Variants in DOC2B observed in about 807,000 individuals in gnomAD.
DOC2B encodes the protein double C2 domain beta.
DOC2B carries 21 observed loss-of-function variants against 28.9 expected under a neutral mutation model. The observed-to-expected ratio is 0.73, with a 90% confidence interval of 0.52 to 1.05. DOC2B has a LOEUF of 1.05. Among genes scored for constraint, DOC2B ranks in the 50% least tolerant of loss-of-function variants. The pLI is 0.00. For missense variants in DOC2B, 384 were observed against 421.1 expected (o/e 0.91, Z 0.77); for synonymous variants, 194 against 178.1 (o/e 1.09, Z -0.71).
Position 162,100 on chromosome 17 carries a change from T to C in DOC2B, c.619A>G (p.Met207Val), listed in dbSNP as rs1555523331. ...LTYYGITDEDMIRKTLRISVC... is the reference protein window; with the variant it reads ...LTYYGITDEDVIRKTLRISVC... Reference sequence around the variant, plus strand: ...ACCCACCGCAGGGTCTTGCGGATCATGTCTTCATCTGTGATCCCGTAGTAA... The same window carrying C: ...ACCCACCGCAGGGTCTTGCGGATCACGTCTTCATCTGTGATCCCGTAGTAA... The change falls in exon 4 of 9, where the codon ATG (methionine) becomes GTG (valine). Residue 207 changes from methionine to valine, a missense_variant. Physicochemically the swap from Met to Val is conservative, Grantham distance 21. Transcript: ENST00000613549. 3 of 1,551,418 alleles carry C rather than the reference T, an allele frequency of 1.9e-6. No individual in the cohort carries two copies. The highest frequency in any genetic ancestry group is 2.4e-5 in the South Asian group (2 of 84,056).
chr17:172,291 C>A (rs920673854), intron 2 of DOC2B, among the ~76,000 whole-genome samples: 5 of 152,072 alleles, frequency 3.3e-5, no homozygotes, highest in African/African-American at 9.7e-5. Flanking sequence ...TCGGTCCAGG[C>A]CTTCATCTTC....
intron 1 of DOC2B, among the ~76,000 whole-genome samples, chr17:178,656 G>A (rs1257022219): frequency 6.6e-6 from 1 of 152,204 alleles, no homozygotes; most frequent in Admixed American, 6.5e-5. Flanking sequence ...GAACATGCGA[G>A]TTATGTGCTT....
chr17:174,515 G>A (rs2151475365), intron 1 of DOC2B, among the ~76,000 whole-genome samples: 1 of 152,298 alleles, frequency 6.6e-6, no homozygotes, highest in Admixed American at 6.5e-5. Context: ...TTTGGGAACA[G>A]AACATACAAA....
At chr17:152,770 C>T (rs748857346) in intron 6 of DOC2B, among the ~76,000 whole-genome samples, 6 of 151,738 alleles carry the variant, frequency 4.0e-5, no homozygotes, top group East Asian at 1.9e-4. Flanking sequence ...GTCACTGTCT[C>T]AAAAAAGAAA....
intron 5 of DOC2B, 73 bp from the exon 6 acceptor site, chr17:156,450 C>T (rs1199776778): frequency 3.7e-5 from 55 of 1,503,072 alleles, no homozygotes; most frequent in Non-Finnish European, 4.7e-5. Context: ...CCTCCTCTTC[C>T]TGAGCCCGCC....
intron 5 of DOC2B, 54 bp from the exon 6 acceptor site, chr17:156,431 C>T (rs1007160329): frequency 2.0e-4 from 310 of 1,533,066 alleles, no homozygotes; most frequent in Non-Finnish European, 2.6e-4. Context: ...CTCTCTTGGC[C>T]GTCCTTGGCC....
chr17:153,055 G>A (rs994283565), intron 6 of DOC2B, among the ~76,000 whole-genome samples: 3 of 152,278 alleles, frequency 2.0e-5, no homozygotes, highest in South Asian at 2.1e-4. Context: ...AGCAGCAGCC[G>A]TCGTGTCTCA....
Position 181,174 on chromosome 17 carries a change from G to C in DOC2B, c.306C>G (p.Pro102=). The C allele has an allele frequency of 8.0e-7, 1 of 1,251,568 alleles. No homozygotes were observed. The highest frequency in any genetic ancestry group is 1.0e-6 in the Non-Finnish European group (1 of 999,120). The allele number at this position is 1,251,568 out of a possible 1,614,324, so 77.5% of individuals were successfully genotyped here. A position where few individuals can be genotyped will look rare whatever the true frequency, so the allele number is the denominator to read the frequency against. ...CCGGCGGCTTGGCTGGCGGCCGCGC[G>C]GGGCTGGGACCCGGGCTGGGGCCCG... The part of the protein sequence containing the change: ...SSPGPSPGPS[P]ARPPAKPPED... The change falls in exon 1 of 9, where the codon CCC becomes CCG. Residue 102 remains proline (P), a synonymous_variant. Coordinates refer to ENST00000613549, the MANE Select transcript of DOC2B (RefSeq NM_003585.5). The surrounding 1 kb of genome is among the most constrained non-coding windows in gnomAD (Gnocchi z 7.0).
chr17:150,160 T>C (rs2040056586), intron 6 of DOC2B, among the ~76,000 whole-genome samples: 1 of 151,924 alleles, frequency 6.6e-6, no homozygotes, highest in Non-Finnish European at 1.5e-5. Flanking sequence ...GACAGGGAGG[T>C]CATGTGCAGG....
chr17:164,434 G>C lies in DOC2B; in HGVS notation c.454-230C>G, dbSNP rs183792699. On this transcript the variant is annotated intron_variant, in intron 2 of 8. Transcript: ENST00000613549. ...CCAGGGCAGCTGTCATGGGGCCTCT[G>C]TCAGGACAGACTTTCTCTTGTCCTC... 2.0e-3 allele frequency among the ~76,000 whole-genome samples: 310 copies of C among 152,252 alleles called. 3 individuals are homozygous for C. Among genetic ancestry groups the C allele is most frequent in the African/African-American group, 7.1e-3 (297 of 41,540 alleles).
intron 6 of DOC2B, among the ~76,000 whole-genome samples, chr17:153,065 AC>A (rs755099562): frequency 6.6e-6 from 1 of 152,112 alleles, no homozygotes. Context: ...GTCGTGTCTC[AC>A]CCAGGGTGTC....
intron 2 of DOC2B, among the ~76,000 whole-genome samples, chr17:165,589 G>A (rs1323869957): frequency 6.6e-6 from 1 of 152,162 alleles, no homozygotes; most frequent in African/African-American, 2.4e-5. Flanking sequence ...TGGCAGGCAG[G>A]GTTTGCTCCC....
At chr17:160,133 C>T (rs1457446723) in intron 5 of DOC2B, among the ~76,000 whole-genome samples, 1 of 151,942 alleles carries the variant, frequency 6.6e-6, no homozygotes. Context: ...TACAGGCATG[C>T]ACCCCCACAC....
chr17:152,476 T>C (rs2040083395), intron 6 of DOC2B, among the ~76,000 whole-genome samples: 1 of 151,972 alleles, frequency 6.6e-6, no homozygotes, highest in South Asian at 2.1e-4. Context: ...TTTATAAAAA[T>C]AATGGTGCTA....
chr17:148,987 G>A (rs1221765033), intron 7 of DOC2B, 124 bp downstream of exon 7: 5 of 396,044 alleles, frequency 1.3e-5, no homozygotes, highest in East Asian at 1.1e-4. Context: ...GGCTTGGTGC[G>A]GCCCCTCCCC....
intron 7 of DOC2B, 121 bp from the exon 8 acceptor site, chr17:148,390 G>C (rs1224594967): frequency 2.5e-6 from 1 of 397,174 alleles, no homozygotes; most frequent in East Asian, 3.6e-5. Flanking sequence ...CAGAGTGGAT[G>C]ATGGGTGGAT....
At chr17:180,039 G>A (rs1026275562) in intron 1 of DOC2B, among the ~76,000 whole-genome samples, 1 of 152,236 alleles carries the variant, frequency 6.6e-6, no homozygotes, top group African/African-American at 2.4e-5. Context: ...CCCAGGCCAG[G>A]CGCAGACATC....
chr17:172,390 A>G (rs1237988206), intron 2 of DOC2B, 147 bp downstream of exon 2: 2 of 585,648 alleles, frequency 3.4e-6, no homozygotes, highest in East Asian at 2.9e-5. Flanking sequence ...TTAAAGAAGA[A>G]TTCCTTCCTG....
intron 2 of DOC2B, among the ~76,000 whole-genome samples, chr17:169,599 C>T (rs752706419): frequency 6.6e-6 from 1 of 152,098 alleles, no homozygotes; most frequent in Non-Finnish European, 1.5e-5. Flanking sequence ...CCAGGGGCCA[C>T]GTGTTAACTC....
Sources: allele counts gnomAD v4.1 joint callset (sites outside exome capture counted in the v4.1 genomes callset), GRCh38; gene constraint gnomAD v4.1.1; non-coding constraint Gnocchi (gnomAD v3.1); transcripts MANE v1.5; gene names NCBI Gene and HGNC (gene_info 2026-07-23, HGNC 2026-07-21).